Variants in PLCL2 observed in about 807,000 individuals in gnomAD.
PLCL2 encodes phospholipase C like 2.
A neutral mutation model predicts 79.6 loss-of-function variants in PLCL2; 4 were observed. The ratio of observed to expected loss-of-function variants is 0.05; its 90% CI spans 0.02 to 0.11. The LOEUF is 0.11. PLCL2 is among the 10% of genes least tolerant of loss of function. The probability of loss-of-function intolerance (pLI) is 1.00; values close to 1 mark genes in which losing one functional copy is unlikely to be tolerated. For missense variants in PLCL2, 895 were observed against 1,291.0 expected (o/e 0.69, Z 4.70); for synonymous variants, 484 against 457.7 (o/e 1.06, Z -0.73).
At chr3:16,964,994 T>C (rs1008448608) in intron 1 of PLCL2, among the ~76,000 whole-genome samples, 6 of 152,134 alleles carry the variant, frequency 3.9e-5, no homozygotes, top group African/African-American at 1.4e-4. Context: ...GATGGTAGTT[T>C]CTTTTGCTGT....
At chr3:16,997,358 GAGTT>G (rs1156757220) in intron 1 of PLCL2, among the ~76,000 whole-genome samples, 1 of 152,140 alleles carries the variant, frequency 6.6e-6, no homozygotes, top group Admixed American at 6.5e-5. Flanking sequence ...AATACCGTAA[GAGTT>G]TAGAGAAGAG....
intron 1 of PLCL2, among the ~76,000 whole-genome samples, chr3:16,948,148 T>C (rs1307141942): frequency 6.6e-6 from 1 of 152,210 alleles, no homozygotes; most frequent in Admixed American, 6.5e-5. Flanking sequence ...ATAAATATAA[T>C]GTGGTATATC....
chr3:17,045,479 G>A (rs1470189995), intron 4 of PLCL2, among the ~76,000 whole-genome samples: 1 of 152,104 alleles, frequency 6.6e-6, no homozygotes, highest in Non-Finnish European at 1.5e-5. Context: ...GGAGAGGAAT[G>A]CTGAGAAGTG....
chr3:16,885,036 G>A lies in PLCL2; in HGVS notation c.-4G>A. Reference sequence around the variant, plus strand: ...GCTTTGTGCAGGCGGGTCGCGGGGCGCCCATGGCGGAGTGCGGCCGGGGGG... The same window carrying A: ...GCTTTGTGCAGGCGGGTCGCGGGGCACCCATGGCGGAGTGCGGCCGGGGGG... On this transcript the variant is annotated 5_prime_UTR_variant, in exon 1 of 6. Coordinates refer to ENST00000615277, the MANE Select transcript of PLCL2 (RefSeq NM_001144382.2). 1 of 340,462 alleles carries A rather than the reference G, an allele frequency of 2.9e-6. No individual in the cohort carries two copies. The highest frequency in any genetic ancestry group is 5.3e-6 in the Non-Finnish European group (1 of 189,270). The allele number at this position is 340,462 out of a possible 1,614,324, so 21.1% of individuals were successfully genotyped here. A position where few individuals can be genotyped will look rare whatever the true frequency, so the allele number is the denominator to read the frequency against.
In PLCL2 at chr3:17,087,359, C is replaced by G. The variant is rs569324285; in HGVS notation, c.3205-2374C>G. 6.7e-4 allele frequency among the ~76,000 whole-genome samples: 102 copies of G among 152,302 alleles called. 1 individual carries two copies. The highest frequency in any genetic ancestry group is 3.4e-4 in the Non-Finnish European group (23 of 68,028). ...TATGAGCTATCAAGCCATGAGACGACATGGAGGAAATTTAAATGCATATTA... is the reference window on the plus strand; with the variant it reads ...TATGAGCTATCAAGCCATGAGACGAGATGGAGGAAATTTAAATGCATATTA... On this transcript the variant is annotated intron_variant, in intron 5 of 5. Transcript: ENST00000615277.
intron 1 of PLCL2, among the ~76,000 whole-genome samples, chr3:16,949,713 G>A (rs1266029297): frequency 2.0e-5 from 3 of 151,974 alleles, no homozygotes; most frequent in African/African-American, 7.2e-5. Context: ...CTTGAAAGTC[G>A]TGCATTTTCA....
intron 4 of PLCL2, among the ~76,000 whole-genome samples, chr3:17,060,420 G>A (rs2064938787): frequency 6.6e-6 from 1 of 152,116 alleles, no homozygotes; most frequent in Non-Finnish European, 1.5e-5. Flanking sequence ...TTTTGTTAAT[G>A]CCCAGATTGT....
At chr3:17,087,259 T>C (rs2065230468) in intron 5 of PLCL2, among the ~76,000 whole-genome samples, 1 of 152,240 alleles carries the variant, frequency 6.6e-6, no homozygotes, top group Non-Finnish European at 1.5e-5. Flanking sequence ...GCAACATAGA[T>C]GTCCTGAAGT....
chr3:16,979,277 A>C (rs1169177869), intron 1 of PLCL2, among the ~76,000 whole-genome samples: 1 of 151,814 alleles, frequency 6.6e-6, no homozygotes, highest in Non-Finnish European at 1.5e-5. Context: ...TGCATATATG[A>C]ACCCTATTTA....
intron 1 of PLCL2, among the ~76,000 whole-genome samples, chr3:16,943,947 T>G (rs1045242208): frequency 6.6e-6 from 1 of 152,214 alleles, no homozygotes; most frequent in Non-Finnish European, 1.5e-5. Context: ...TTGGGTATTA[T>G]GTTTAAGGTC....
intron 3 of PLCL2, among the ~76,000 whole-genome samples, chr3:17,039,023 C>G (rs1026978488): frequency 2.0e-5 from 3 of 152,206 alleles, no homozygotes; most frequent in Admixed American, 2.0e-4. Context: ...ATGTGTAAAA[C>G]TAACCTCATA....
At chr3:16,953,380 T>C (rs928125088) in intron 1 of PLCL2, among the ~76,000 whole-genome samples, 1 of 152,160 alleles carries the variant, frequency 6.6e-6, no homozygotes, top group African/African-American at 2.4e-5. Flanking sequence ...CAAATTTTAA[T>C]AAAAATTAAA....
At chr3:16,945,525 T>G (rs2063592940) in intron 1 of PLCL2, among the ~76,000 whole-genome samples, 1 of 152,136 alleles carries the variant, frequency 6.6e-6, no homozygotes, top group South Asian at 2.1e-4. Context: ...TTCCTTCCAG[T>G]CTCCTACTCT....
At chr3:16,908,855 T>G (rs1194031597) in intron 1 of PLCL2, among the ~76,000 whole-genome samples, 1 of 152,196 alleles carries the variant, frequency 6.6e-6, no homozygotes, top group Non-Finnish European at 1.5e-5. Context: ...GTAGAGACTA[T>G]TGGAAATATA....
At chr3:16,928,736 A>G (rs941128983) in intron 1 of PLCL2, among the ~76,000 whole-genome samples, 1 of 152,220 alleles carries the variant, frequency 6.6e-6, no homozygotes, top group South Asian at 2.1e-4. Flanking sequence ...TACTTCATCT[A>G]CTTGTTGTGA....
In PLCL2 at chr3:16,948,453, GA is replaced by G. The variant is rs575122980; in HGVS notation, c.328-61220del. 2.1e-4 allele frequency among the ~76,000 whole-genome samples: 32 copies of G among 152,262 alleles called. No homozygotes were observed. The South Asian group carries it at 6.6e-3, about 32-fold the overall frequency. On this transcript the variant is annotated intron_variant, in intron 1 of 5. Coordinates refer to ENST00000615277, the MANE Select transcript of PLCL2 (RefSeq NM_001144382.2). ...ATGTACTAAAATTGATTATGGTGAT[GA>G]TTGCAGAACTCTGTGAATATACTAA... is the stretch of plus-strand genomic sequence containing the variant.
intron 1 of PLCL2, among the ~76,000 whole-genome samples, chr3:16,897,941 A>G (rs1696521699): frequency 6.6e-6 from 1 of 152,120 alleles, no homozygotes; most frequent in Non-Finnish European, 1.5e-5. Context: ...CCTCAACTGG[A>G]CTGCACAAAT....
At position 17,012,090 on chromosome 3, in the gene PLCL2, C is replaced by T. The variant is rs753636224; in HGVS notation, c.2744C>T (p.Thr915Ile). ...YASLRTLWIK[T>I]VDEVFKNAQP... ...TCTTTGAGAACACTGTGGATTAAAA[C>T]CGTGGATGAGGTATTCAAGAATGCC... Residue 915 changes from threonine (T) to isoleucine (I), a missense_variant, in exon 2 of 6, where the codon ACC becomes ATC. Physicochemically the swap from Thr to Ile is moderately conservative, Grantham distance 89. Coordinates refer to ENST00000615277, the MANE Select transcript of PLCL2 (RefSeq NM_001144382.2). The T allele has an allele frequency of 1.2e-6, 2 of 1,614,174 alleles. No homozygotes were observed. The highest frequency in any genetic ancestry group is 1.7e-6 in the Non-Finnish European group (2 of 1,179,976).
chr3:16,961,393 C>T (rs1000907666), intron 1 of PLCL2, among the ~76,000 whole-genome samples: 1 of 152,128 alleles, frequency 6.6e-6, no homozygotes, highest in Non-Finnish European at 1.5e-5. Flanking sequence ...CTTAGTCTAC[C>T]GATAGAGACT....
Sources: allele counts gnomAD v4.1 joint callset (sites outside exome capture counted in the v4.1 genomes callset), GRCh38; gene constraint gnomAD v4.1.1; transcripts MANE v1.5; gene names NCBI Gene and HGNC (gene_info 2026-07-23, HGNC 2026-07-21).